The following C12orf54 variants were observed in gnomAD, a reference collection of about 807,000 sequenced individuals.
C12orf54 encodes chromosome 12 open reading frame 54, also known as uncharacterized protein C12orf54.
In C12orf54, 24 loss-of-function variants were observed where a neutral mutation model predicts 26.4. The observed-to-expected ratio is 0.91, with a 90% CI of 0.66 to 1.28. The LOEUF is 1.28. C12orf54 is among the 50% of genes most tolerant of loss of function. The probability of loss-of-function intolerance (pLI) is 0.00; values close to 1 mark genes in which losing one functional copy is unlikely to be tolerated. For missense variants in C12orf54, 154 were observed against 150.9 expected (o/e 1.02, Z -0.11); for synonymous variants, 54 against 47.0 (o/e 1.15, Z -0.61).
At chr12:48,470,520 A>G in the C12orf54 span, among the ~76,000 whole-genome samples, 2 of 152,144 alleles carry the variant, frequency 1.3e-5, no homozygotes, top group African/African-American at 4.8e-5. Context: ...TTCATGGGGT[A>G]GCTTTTTGCT....
chr12:48,474,909 C>T, the C12orf54 span, among the ~76,000 whole-genome samples: 413 of 152,286 alleles, frequency 2.7e-3, 1 homozygote, highest in African/African-American at 9.2e-3. Context: ...GTGGTTCTCC[C>T]GGCACGCAGC....
chr12:48,444,497 T>C, the C12orf54 span, among the ~76,000 whole-genome samples: 1 of 152,178 alleles, frequency 6.6e-6, no homozygotes, highest in African/African-American at 2.4e-5. Context: ...AGTGAAAATC[T>C]TACAAAGGAC....
the C12orf54 span, among the ~76,000 whole-genome samples, chr12:48,420,892 T>A: frequency 6.6e-6 from 1 of 152,188 alleles, no homozygotes; most frequent in Non-Finnish European, 1.5e-5. Context: ...ATGGTACATA[T>A]TGATGGATGG....
the C12orf54 span, among the ~76,000 whole-genome samples, chr12:48,440,005 G>T: frequency 6.6e-6 from 1 of 152,104 alleles, no homozygotes; most frequent in Non-Finnish European, 1.5e-5. Context: ...TGCGTGGATG[G>T]CCTGAGGTCA....
the C12orf54 span, among the ~76,000 whole-genome samples, chr12:48,446,398 T>G: frequency 2.6e-4 from 39 of 152,162 alleles, no homozygotes; most frequent in Non-Finnish European, 5.9e-5. Flanking sequence ...CTTTCATACT[T>G]CCCCTGGCAT....
chr12:48,482,816 G>T (rs1041392787), intron 1 of C12orf54, among the ~76,000 whole-genome samples: 2 of 151,472 alleles, frequency 1.3e-5, no homozygotes, highest in African/African-American at 4.9e-5. Context: ...GAGGGGGTGG[G>T]GTATTTGACA....
At chr12:48,431,656 A>G in the C12orf54 span, among the ~76,000 whole-genome samples, 3 of 152,252 alleles carry the variant, frequency 2.0e-5, no homozygotes, top group Non-Finnish European at 4.4e-5. Flanking sequence ...GAGTTTTATA[A>G]AAACCTTCGA....
At chr12:48,415,830 T>C in the C12orf54 span, among the ~76,000 whole-genome samples, 1 of 152,196 alleles carries the variant, frequency 6.6e-6, no homozygotes, top group African/African-American at 2.4e-5. Context: ...TCCACTCTGA[T>C]ATCTAATACA....
chr12:48,475,735 A>G, the C12orf54 span, among the ~76,000 whole-genome samples: 1 of 152,204 alleles, frequency 6.6e-6, no homozygotes, highest in Non-Finnish European at 1.5e-5. Flanking sequence ...TCCAAGAAAT[A>G]TGGGACTATG....
the C12orf54 span, among the ~76,000 whole-genome samples, chr12:48,467,284 C>T: frequency 1.3e-5 from 2 of 152,142 alleles, no homozygotes; most frequent in Non-Finnish European, 1.5e-5. Context: ...AACCCATTCT[C>T]CCTGAAAGCC....
the C12orf54 span, among the ~76,000 whole-genome samples, chr12:48,451,478 G>C: frequency 1.3e-5 from 2 of 152,152 alleles, no homozygotes; most frequent in African/African-American, 4.8e-5. Context: ...TATAGTATTA[G>C]AAGTTCTGGC....
upstream of C12orf54, among the ~76,000 whole-genome samples, chr12:48,479,532 T>C (rs1306281346): frequency 6.6e-6 from 1 of 151,198 alleles, no homozygotes; most frequent in Non-Finnish European, 1.5e-5. Context: ...ATAAAATATA[T>C]ATTTAAAAAA....
At chr12:48,485,538 G>A (rs1174924741) in intron 2 of C12orf54, among the ~76,000 whole-genome samples, 1 of 152,156 alleles carries the variant, frequency 6.6e-6, no homozygotes, top group East Asian at 1.9e-4. Context: ...GCATGGTAGA[G>A]CAGACTGGTT....
At chr12:48,413,241 AT>A in the C12orf54 span, among the ~76,000 whole-genome samples, 3 of 152,314 alleles carry the variant, frequency 2.0e-5, no homozygotes, top group Admixed American at 2.0e-4. Context: ...ACCATTCTAT[AT>A]TTGCCCTACA....
intron 3 of C12orf54, 180 bp from the exon 4 acceptor site, chr12:48,486,508 T>C: frequency 1.5e-6 from 1 of 665,444 alleles, no homozygotes; most frequent in East Asian, 2.7e-5. Flanking sequence ...GCAGGATATA[T>C]GGGATGAAAT....
At chr12:48,430,106 G>T in the C12orf54 span, among the ~76,000 whole-genome samples, 1 of 151,810 alleles carries the variant, frequency 6.6e-6, no homozygotes, top group Non-Finnish European at 1.5e-5. Flanking sequence ...TAATTGGCTA[G>T]CCACATGAAA....
the C12orf54 span, among the ~76,000 whole-genome samples, chr12:48,419,913 C>T: frequency 6.6e-6 from 1 of 152,134 alleles, no homozygotes; most frequent in African/African-American, 2.4e-5. Flanking sequence ...TATATTAGCT[C>T]GCATGCCAGG....
the C12orf54 span, among the ~76,000 whole-genome samples, chr12:48,466,001 C>A: frequency 6.6e-6 from 1 of 151,898 alleles, no homozygotes; most frequent in Non-Finnish European, 1.5e-5. Flanking sequence ...TAAAAGAAAA[C>A]CTTAGAAAAA....
At chr12:48,454,090 TTG>T in the C12orf54 span, among the ~76,000 whole-genome samples, 1 of 98,526 alleles carries the variant, frequency 1.0e-5, no homozygotes, top group Non-Finnish European at 2.1e-5. Context: ...CTCTCTTTTT[TTG>T]TTTGTTTTTT....
Sources: allele counts gnomAD v4.1 joint callset (sites outside exome capture counted in the v4.1 genomes callset), GRCh38; gene constraint gnomAD v4.1.1; transcripts MANE v1.5; gene names NCBI Gene and HGNC (gene_info 2026-07-23, HGNC 2026-07-21).